GRIK2: variants seen among roughly 807,000 people sequenced by gnomAD.
The protein encoded by GRIK2 is glutamate receptor ionotropic, kainate 2.
In GRIK2, 32 loss-of-function variants were observed where a neutral mutation model predicts 100.3. The observed-to-expected ratio is 0.32, with a 90% CI of 0.24 to 0.43. GRIK2 has a LOEUF of 0.43. GRIK2 is among the 20% of genes least tolerant of loss of function. GRIK2 has a pLI of 1.00. For synonymous variants in GRIK2, 417 were observed against 389.4 expected (o/e 1.07, Z -0.83); for missense variants, 843 against 1,114.9 (o/e 0.76, Z 3.47).
chr6:101,756,241 A>G (rs1318964556), intron 7 of GRIK2, among the ~76,000 whole-genome samples: 1 of 152,214 alleles, frequency 6.6e-6, no homozygotes, highest in Admixed American at 6.5e-5. Flanking sequence ...AATTAGAGTC[A>G]AGAACAAACA....
At chr6:101,451,694 GA>G (rs1161995878) in intron 2 of GRIK2, among the ~76,000 whole-genome samples, 318 of 74,130 alleles carry the variant, frequency 4.3e-3, no homozygotes, top group Middle Eastern at 6.3e-3. Flanking sequence ...ATTTATCTCT[GA>G]GGGGGGGGGG....
chr6:101,547,042 G>A (rs1236985533), intron 2 of GRIK2, among the ~76,000 whole-genome samples: 3 of 151,032 alleles, frequency 2.0e-5, no homozygotes, highest in East Asian at 3.9e-4. Context: ...CGTTTTAGCC[G>A]GGATGGTCTC....
At chr6:102,002,179 C>G (rs1006309783) in intron 14 of GRIK2, among the ~76,000 whole-genome samples, 1 of 150,052 alleles carries the variant, frequency 6.7e-6, no homozygotes, top group Non-Finnish European at 1.5e-5. Context: ...TTGATTATTA[C>G]TATTTAGGGG....
intron 7 of GRIK2, among the ~76,000 whole-genome samples, chr6:101,733,046 C>A (rs1402677043): frequency 2.6e-5 from 4 of 152,078 alleles, no homozygotes; most frequent in Non-Finnish European, 5.9e-5. Context: ...GAAATTAAGG[C>A]TTCAACATAT....
At chr6:102,048,135 GT>G (rs1562138003) in intron 15 of GRIK2, among the ~76,000 whole-genome samples, 2 of 150,912 alleles carry the variant, frequency 1.3e-5, no homozygotes, top group African/African-American at 4.9e-5. Context: ...AATCAACGGC[GT>G]TGAGAAAACT....
In GRIK2 at chr6:101,546,878, T is replaced by A. The variant is rs1461639532; in HGVS notation, c.116-75071T>A. Among the ~76,000 whole-genome samples the A allele has an allele frequency of 1.9e-4, 24 of 125,770 alleles. No individual in the cohort carries two copies. In the Admixed American group the frequency reaches 2.2e-3, roughly 11 times the overall value. The allele number at this position is 125,770 out of a possible 152,430, so 82.5% of individuals were successfully genotyped here. A position where few individuals can be genotyped will look rare whatever the true frequency, so the allele number is the denominator to read the frequency against. On this transcript the variant is annotated intron_variant, in intron 2 of 16. Coordinates refer to ENST00000369134, the MANE Select transcript of GRIK2 (RefSeq NM_021956.5). ...CGGAGTCTCGCTCTGTCGCCCAGGC[T>A]GGAGTGCAGTGGCGGGATCTCGGCT...
At chr6:101,778,518 C>T (rs989656221) in intron 7 of GRIK2, among the ~76,000 whole-genome samples, 1 of 152,030 alleles carries the variant, frequency 6.6e-6, no homozygotes, top group Non-Finnish European at 1.5e-5. Flanking sequence ...CAAATATAAC[C>T]GTGCTTGGTA....
chr6:101,669,663 T>C (rs1770284456), intron 4 of GRIK2, among the ~76,000 whole-genome samples: 1 of 152,176 alleles, frequency 6.6e-6, no homozygotes, highest in African/African-American at 2.4e-5. Context: ...AAAACATTGC[T>C]GCTACTTAAG....
intron 2 of GRIK2, among the ~76,000 whole-genome samples, chr6:101,433,595 A>AT (rs200674043): frequency 1.3e-5 from 2 of 150,548 alleles, no homozygotes; most frequent in Admixed American, 6.6e-5. Flanking sequence ...AATTATCTTT[A>AT]TTTTTTTTCT....
At chr6:101,455,198 T>C (rs1325154162) in intron 2 of GRIK2, among the ~76,000 whole-genome samples, 2 of 152,018 alleles carry the variant, frequency 1.3e-5, no homozygotes, top group Non-Finnish European at 2.9e-5. Context: ...GTGGACTAAT[T>C]TGTTTTTGCT....
At chr6:101,766,609 A>G (rs556941938) in intron 7 of GRIK2, among the ~76,000 whole-genome samples, 1 of 152,172 alleles carries the variant, frequency 6.6e-6, no homozygotes, top group Non-Finnish European at 1.5e-5. Context: ...TTAGTTTACT[A>G]CAGCATGTCT....
At chr6:101,879,285 C>G (rs748413403) in intron 11 of GRIK2, among the ~76,000 whole-genome samples, 14 of 152,054 alleles carry the variant, frequency 9.2e-5, no homozygotes, top group Admixed American at 2.0e-4. Context: ...TTTCCCATTG[C>G]TGTTTTAATT....
At chr6:101,770,913 T>G (rs2128396993) in intron 7 of GRIK2, among the ~76,000 whole-genome samples, 1 of 152,288 alleles carries the variant, frequency 6.6e-6, no homozygotes, top group Non-Finnish European at 1.5e-5. Flanking sequence ...TGCCTAAAAT[T>G]TTCCTAGTAA....
chr6:102,052,405 T>C (rs1356407449), intron 15 of GRIK2, among the ~76,000 whole-genome samples: 1 of 152,176 alleles, frequency 6.6e-6, no homozygotes, highest in East Asian at 1.9e-4. Flanking sequence ...CATTCCTATG[T>C]TCATAAAAGC....
chr6:101,772,469 A>G (rs1433422395), intron 7 of GRIK2, among the ~76,000 whole-genome samples: 5 of 152,152 alleles, frequency 3.3e-5, no homozygotes, highest in African/African-American at 4.8e-5. Flanking sequence ...TGGTCTTCTG[A>G]GTTCCATATT....
chr6:101,976,706 G>T (rs1026403204), intron 14 of GRIK2, among the ~76,000 whole-genome samples: 1 of 151,548 alleles, frequency 6.6e-6, no homozygotes, highest in African/African-American at 2.4e-5. Flanking sequence ...GAAAAAAAAT[G>T]GTCTGTGGAA....
chr6:101,923,210 A>G lies in GRIK2; in HGVS notation c.1749-1391A>G, dbSNP rs1205205561. On this transcript the variant is annotated intron_variant, in intron 12 of 16. Transcript: ENST00000369134. Reference sequence around the variant, plus strand: ...AAAATTGAGCTCTCTGAAGTGACGGATACATTATTCAAATAACTTTGATTG... The same window carrying G: ...AAAATTGAGCTCTCTGAAGTGACGGGTACATTATTCAAATAACTTTGATTG... Among the ~76,000 whole-genome samples, 5 of 152,328 alleles carry G rather than the reference A, an allele frequency of 3.3e-5. No homozygotes were observed. In the East Asian group the frequency reaches 9.6e-4, roughly 29 times the overall value.
intron 7 of GRIK2, among the ~76,000 whole-genome samples, chr6:101,775,492 T>G (rs1778681173): frequency 6.6e-6 from 1 of 151,688 alleles, no homozygotes; most frequent in Admixed American, 6.6e-5. Context: ...GACACACATG[T>G]AGAGACAAAA....
chr6:101,595,712 G>GTATATATATATATATATA (rs1162539380), intron 2 of GRIK2, among the ~76,000 whole-genome samples: 132 of 131,400 alleles, frequency 1.0e-3, no homozygotes, highest in African/African-American at 2.6e-3. Context: ...GTGTGTGTGT[G>GTATATATATATATATATA]TGTGTGTATA....
Sources: allele counts gnomAD v4.1 joint callset (sites outside exome capture counted in the v4.1 genomes callset), GRCh38; gene constraint gnomAD v4.1.1; transcripts MANE v1.5; gene names NCBI Gene and HGNC (gene_info 2026-07-23, HGNC 2026-07-21).